Variants in KDM1B observed in about 807,000 individuals in gnomAD.
KDM1B encodes lysine-specific histone demethylase 2.
KDM1B carries 63 observed loss-of-function variants against 107.4 expected under a neutral mutation model. The ratio of observed to expected loss-of-function variants is 0.59; its 90% CI spans 0.48 to 0.72. The LOEUF is 0.72. Among genes scored for constraint, KDM1B ranks in the 30% least tolerant of loss-of-function variants. The pLI, the probability that KDM1B is intolerant of heterozygous loss-of-function variation, is 0.00. For missense variants in KDM1B, 749 were observed against 1,020.8 expected (o/e 0.73, Z 3.63); for synonymous variants, 363 against 363.9 (o/e 1.00, Z 0.03).
rs901743607 is a variant in KDM1B, at chr6:18,222,038, T to A, written c.*46T>A. On this transcript the variant is annotated 3_prime_UTR_variant, in exon 22 of 22. Coordinates refer to ENST00000650836, the MANE Select transcript of KDM1B (RefSeq NM_001364614.2). ...TCTTCTGTACCCCAGATGGGGAAAT[T>A]TGAATCACATGTTAAACCTCAGTTT... 7 of 1,532,196 alleles carry A rather than the reference T, an allele frequency of 4.6e-6. No homozygotes were observed. The highest frequency in any genetic ancestry group is 6.3e-6 in the Non-Finnish European group (7 of 1,105,592). 94.9% of individuals were successfully genotyped at this position (1,532,196 alleles called of 1,614,324 possible).
chr6:18,198,358 A>G (rs1457674547), intron 12 of KDM1B, among the ~76,000 whole-genome samples: 2 of 139,210 alleles, frequency 1.4e-5, no homozygotes, highest in South Asian at 2.1e-4. Flanking sequence ...TTTTAAATCT[A>G]TTTATTTATT....
At chr6:18,192,734 G>C (rs561091799) in intron 10 of KDM1B, among the ~76,000 whole-genome samples, 1 of 130,184 alleles carries the variant, frequency 7.7e-6, no homozygotes, top group Non-Finnish European at 1.6e-5. Flanking sequence ...GTGAGATCCC[G>C]TCTCAAAAAA....
chr6:18,174,839 T>C (rs1785891850), intron 7 of KDM1B, among the ~76,000 whole-genome samples: 1 of 152,220 alleles, frequency 6.6e-6, no homozygotes, highest in African/African-American at 2.4e-5. Context: ...TATATGTGTA[T>C]GTATGTATGT....
chr6:18,202,550 G>A (rs536844295), intron 14 of KDM1B, among the ~76,000 whole-genome samples: 2 of 152,190 alleles, frequency 1.3e-5, no homozygotes, highest in South Asian at 4.2e-4. Context: ...TTCTTAAATT[G>A]ATATTTATTT....
chr6:18,201,677 C>G lies in KDM1B; in HGVS notation c.1531+20C>G. 3 of 1,522,182 alleles carry G rather than the reference C, an allele frequency of 2.0e-6. No individual in the cohort carries two copies. Among genetic ancestry groups the G allele is most frequent in the Non-Finnish European group, 2.6e-6 (3 of 1,134,418 alleles). 94.3% of individuals were successfully genotyped at this position (1,522,182 alleles called of 1,614,324 possible). A position where few individuals can be genotyped will look rare whatever the true frequency, so the allele number is the denominator to read the frequency against. On this transcript the variant is annotated intron_variant, in intron 14 of 21. Coordinates refer to ENST00000650836, the MANE Select transcript of KDM1B (RefSeq NM_001364614.2). The surrounding 1 kb of genome is among the most constrained non-coding windows in gnomAD (Gnocchi z 4.3). ...TAGGAGGTATGGGGAGAACGGTGTT[C>G]TGATTGTTCCATCTCAGTTTCGTTG...
intron 21 of KDM1B, among the ~76,000 whole-genome samples, chr6:18,218,252 C>T (rs214580): frequency 0.013 from 1,921 of 152,198 alleles, 42 homozygotes; most frequent in African/African-American, 0.044. Context: ...TCCCAAGTAG[C>T]TGGGACTGCA....
rs550294882 is a variant in KDM1B, at chr6:18,186,077, C to T, written c.573+267C>T. On this transcript the variant is annotated intron_variant, in intron 8 of 21. Transcript: ENST00000650836. The surrounding 1 kb of genome is among the most constrained non-coding windows in gnomAD (Gnocchi z 5.6). ...AGGAAGACACAGCTCTCCTGCCTTG[C>T]TCTAGGGCTCAGGCTTGCTGTACTT... Among the ~76,000 whole-genome samples, 2 of 152,316 alleles carry T rather than the reference C, an allele frequency of 1.3e-5. No individual in the cohort carries two copies. The highest frequency in any genetic ancestry group is 2.9e-5 in the Non-Finnish European group (2 of 68,026).
intron 21 of KDM1B, among the ~76,000 whole-genome samples, chr6:18,220,478 G>A (rs1481843389): frequency 3.9e-5 from 6 of 152,138 alleles, no homozygotes; most frequent in South Asian, 2.1e-4. Flanking sequence ...CCTGGGAGGC[G>A]GAGGTTGCAG....
chr6:18,165,128 ATTTTTTTTTT>A (rs35906579), intron 5 of KDM1B, among the ~76,000 whole-genome samples: 10 of 81,566 alleles, frequency 1.2e-4, no homozygotes, highest in South Asian at 4.8e-4. Context: ...GCCTTCTCTG[ATTTTTTTTTT>A]TTTTTTTTTT....
chr6:18,163,146 C>CTT (rs35989887), intron 5 of KDM1B, among the ~76,000 whole-genome samples: 1 of 139,640 alleles, frequency 7.2e-6, no homozygotes. Flanking sequence ...TCTGCCATTT[C>CTT]TTTTTTTTTT....
chr6:18,156,139 G>A (rs1370016057), intron 2 of KDM1B, among the ~76,000 whole-genome samples: 1 of 152,204 alleles, frequency 6.6e-6, no homozygotes, highest in Admixed American at 6.5e-5. Flanking sequence ...CCTTGCAGGT[G>A]TTGTAGTAAT....
Position 18,215,108 on chromosome 6 carries a change from C to T in KDM1B, c.2211C>T (p.Leu737=). 6.2e-7 allele frequency: 1 copy of T among 1,613,130 alleles called. No individual in the cohort carries two copies. The highest frequency in any genetic ancestry group is 8.5e-7 in the Non-Finnish European group (1 of 1,179,802). The change falls in exon 20 of 22, where the codon CTC becomes CTT. Residue 737 remains leucine, a synonymous_variant. Transcript: ENST00000650836. The part of the protein sequence containing the change: ...KQVLQQCMAT[L]RELFKEQEVP... The stretch of plus-strand genomic sequence containing the variant: ...TGCTGCAGCAGTGCATGGCCACGCT[C>T]CGGGAGCTGTTCAAGGAGCAGGTGA...
rs935287703 is a variant in KDM1B, at chr6:18,220,921, A to ATT, written c.2386-980_2386-979dup. ...TGCCACTGTGCCCAGCTAATTTTTT[A>ATT]TTTTTTTTTAGTAGAGATGGGGTTT... On this transcript the variant is annotated intron_variant, in intron 21 of 21. Transcript: ENST00000650836. 2.0e-5 allele frequency among the ~76,000 whole-genome samples: 3 copies of ATT among 149,068 alleles called. No homozygotes were observed. In the South Asian group the frequency reaches 6.4e-4, roughly 32 times the overall value.
intron 20 of KDM1B, among the ~76,000 whole-genome samples, chr6:18,217,436 T>G (rs980086097): frequency 2.0e-5 from 3 of 149,446 alleles, no homozygotes; most frequent in South Asian, 2.1e-4. Flanking sequence ...TGGAGTGCAG[T>G]GGCGCGATCT....
intron 6 of KDM1B, 37 bp from the exon 7 acceptor site, chr6:18,171,326 C>T (rs776226648): frequency 3.0e-6 from 3 of 996,256 alleles, no homozygotes; most frequent in South Asian, 1.3e-5. Context: ...TGAAGATTAG[C>T]TCACTTGTTC....
In KDM1B at chr6:18,171,430, A is replaced by C. The variant is rs149734475; in HGVS notation, c.485A>C (p.Gln162Pro). Reference sequence around the variant, plus strand: ...ACCAAGGAAATCCAGCTTACTCCACAGATAGCCAAGACTTATCGATGCGGT... The same window carrying C: ...ACCAAGGAAATCCAGCTTACTCCACCGATAGCCAAGACTTATCGATGCGGT... ...QLTKEIQLTPQIAKTYRCGMK... is the reference protein window; with the variant it reads ...QLTKEIQLTPPIAKTYRCGMK... The change falls in exon 7 of 22, where the codon CAG (glutamine) becomes CCG (proline). Residue 162 changes from glutamine to proline, a missense_variant. Transcript: ENST00000650836. 4,459 of 1,613,692 alleles carry C rather than the reference A, an allele frequency of 2.8e-3. 15 individuals are homozygous for C. The highest frequency in any genetic ancestry group is 8.7e-3 in the Middle Eastern group (53 of 6,060).
intron 20 of KDM1B, among the ~76,000 whole-genome samples, chr6:18,215,882 C>A (rs1254930334): frequency 6.6e-6 from 1 of 151,944 alleles, no homozygotes; most frequent in Non-Finnish European, 1.5e-5. Flanking sequence ...CGCACACATG[C>A]AGATAGTCTC....
Position 18,159,450 on chromosome 6 carries a change from A to G in KDM1B, c.-13-433A>G, listed in dbSNP as rs190225572. 3.9e-3 allele frequency among the ~76,000 whole-genome samples: 597 copies of G among 152,360 alleles called. 6 individuals carry two copies. The highest frequency in any genetic ancestry group is 0.014 in the African/African-American group (576 of 41,580). Reference sequence around the variant, plus strand: ...TCTCATTTTGTATCTTTTAATGTGCATAACTACTAATAGGTAATGTTTATT... The same window carrying G: ...TCTCATTTTGTATCTTTTAATGTGCGTAACTACTAATAGGTAATGTTTATT... On this transcript the variant is annotated intron_variant, in intron 2 of 21. Coordinates refer to ENST00000650836, the MANE Select transcript of KDM1B (RefSeq NM_001364614.2). The surrounding 1 kb of genome is among the most constrained non-coding windows in gnomAD (Gnocchi z 4.5).
chr6:18,167,439 A>G (rs765286313), intron 6 of KDM1B, among the ~76,000 whole-genome samples: 1 of 151,926 alleles, frequency 6.6e-6, no homozygotes, highest in African/African-American at 2.4e-5. Flanking sequence ...ATTATTGCAT[A>G]TATTGTTGAA....
Sources: gnomAD v4.1 joint callset for allele counts (sites outside exome capture counted in the v4.1 genomes callset) on GRCh38, gnomAD v4.1.1 for gene constraint, Gnocchi (gnomAD v3.1) non-coding constraint, MANE v1.5 for transcripts, NCBI Gene and HGNC (gene_info 2026-07-23, HGNC 2026-07-21) for gene names.